MICU3: variants seen among roughly 807,000 people sequenced by gnomAD.
MICU3 encodes mitochondrial calcium uptake 3.
MICU3 carries 62 observed loss-of-function variants against 66.5 expected under a neutral mutation model. The ratio of observed to expected loss-of-function variants is 0.93; its 90% CI spans 0.76 to 1.15. MICU3 has a LOEUF of 1.15. Among genes scored for constraint, MICU3 ranks in the 50% most tolerant of loss-of-function variants. The pLI is 0.00. For synonymous variants in MICU3, 308 were observed against 240.7 expected (o/e 1.28, Z -2.59); for missense variants, 779 against 664.4 (o/e 1.17, Z -1.90).
At chr8:17,138,527 CTTTAA>C in the MICU3 span, among the ~76,000 whole-genome samples, 1 of 152,124 alleles carries the variant, frequency 6.6e-6, no homozygotes, top group Non-Finnish European at 1.5e-5. Context: ...TCCACTTTGT[CTTTAA>C]TTTACCCAAT....
intron 11 of MICU3, among the ~76,000 whole-genome samples, chr8:17,108,753 C>G (rs1780891377): frequency 6.6e-6 from 1 of 152,134 alleles, no homozygotes; most frequent in African/African-American, 2.4e-5. Flanking sequence ...ATTTAGAATT[C>G]ACGGAAATGT....
At chr8:17,100,792 C>T (rs1395409886) in intron 9 of MICU3, among the ~76,000 whole-genome samples, 1 of 151,622 alleles carries the variant, frequency 6.6e-6, no homozygotes, top group Non-Finnish European at 1.5e-5. Flanking sequence ...AGAGCTAAGA[C>T]TACTTTCTAA....
intron 1 of MICU3, among the ~76,000 whole-genome samples, chr8:17,036,064 T>A (rs1239949383): frequency 3.3e-5 from 5 of 152,198 alleles, no homozygotes; most frequent in Non-Finnish European, 7.3e-5. Flanking sequence ...GCGGTGAGTG[T>A]TACAGCTCTT....
rs368153367 is a variant in MICU3, at chr8:17,116,443, A to G, written c.1367A>G (p.Asp456Gly). 1 of 1,455,782 alleles carries G rather than the reference A, an allele frequency of 6.9e-7. No homozygotes were observed. The highest frequency in any genetic ancestry group is 2.6e-5 in the East Asian group (1 of 38,918). The allele number at this position is 1,455,782 out of a possible 1,614,324, so 90.2% of individuals were successfully genotyped here. ...YNFASRSIGQ[D>G]EFKRAVYVAT... ...CTTTTTCTATGTAACATTTATCTAG[A>G]TGAATTTAAACGTGCCGTCTATGTA... Residue 456 changes from aspartate to glycine, a missense_variant and splice_region_variant, in exon 13 of 15, where the codon GAT (aspartate) becomes GGT (glycine). Asp to Gly is a moderately conservative substitution (Grantham distance 94). Coordinates refer to ENST00000318063, the MANE Select transcript of MICU3 (RefSeq NM_181723.3).
At chr8:17,031,297 T>TATTATC (rs1812021262) in intron 1 of MICU3, among the ~76,000 whole-genome samples, 1 of 148,826 alleles carries the variant, frequency 6.7e-6, no homozygotes, top group East Asian at 2.0e-4. Context: ...TTATTATTAT[T>TATTATC]ATTATTTTGA....
the MICU3 span, among the ~76,000 whole-genome samples, chr8:17,129,526 C>G: frequency 6.6e-6 from 1 of 151,888 alleles, no homozygotes; most frequent in Admixed American, 6.6e-5. Flanking sequence ...ATTCTGTGAA[C>G]CTAATAGAAG....
chr8:17,049,679 A>C, intron 1 of MICU3: 1 of 512,818 alleles, frequency 2.0e-6, no homozygotes, highest in South Asian at 1.4e-5. Flanking sequence ...GTGTAATGTG[A>C]AAAAACACTG....
chr8:17,036,998 G>A (rs575585327), intron 1 of MICU3, among the ~76,000 whole-genome samples: 52 of 152,332 alleles, frequency 3.4e-4, no homozygotes, highest in African/African-American at 1.2e-3. Flanking sequence ...GAAATCGAGC[G>A]CAGCGCCCGT....
chr8:17,116,938 A>G (rs1802739845), intron 13 of MICU3, among the ~76,000 whole-genome samples: 1 of 152,188 alleles, frequency 6.6e-6, no homozygotes, highest in Non-Finnish European at 1.5e-5. Context: ...TACTATACAA[A>G]TAAATATCAC....
rs995340075 is a variant in MICU3 at position 17,120,868 on chromosome 8, A to C, written c.*581A>C. The C allele has an allele frequency of 2.8e-4, 42 of 152,384 alleles. No homozygotes were observed. The highest frequency in any genetic ancestry group is 9.7e-4 in the African/African-American group (40 of 41,426). The allele number at this position is 152,384 out of a possible 1,614,324, so 9.4% of individuals were successfully genotyped here. ...AAACAATTGTTTACGTGTACTTTTA[A>C]CTTTTAAAAGTACTTAATTAACATA... On this transcript the variant is annotated 3_prime_UTR_variant, in exon 15 of 15. Transcript: ENST00000318063.
chr8:17,060,328 G>A (rs996214304), intron 1 of MICU3, among the ~76,000 whole-genome samples: 24 of 150,236 alleles, frequency 1.6e-4, no homozygotes, highest in African/African-American at 4.9e-4. Flanking sequence ...ACAGAGTCTC[G>A]TGCTGTCGAT....
chr8:17,132,126 CA>C, the MICU3 span: 1 of 152,050 alleles, frequency 6.6e-6, no homozygotes, highest in Non-Finnish European at 1.5e-5. Flanking sequence ...GTCTGTTGCC[CA>C]AAGACTAATT....
At chr8:17,114,032 G>C (rs1391779279) in intron 11 of MICU3, 61 bp from the exon 12 acceptor site, 3 of 1,083,288 alleles carry the variant, frequency 2.8e-6, no homozygotes, top group African/African-American at 1.6e-5. Flanking sequence ...CTTATGTGTA[G>C]ATCCTGATTT....
At chr8:17,065,965 T>A (rs1818614727) in intron 2 of MICU3, among the ~76,000 whole-genome samples, 1 of 152,078 alleles carries the variant, frequency 6.6e-6, no homozygotes, top group Admixed American at 6.5e-5. Context: ...GTAAACTACA[T>A]AAGCAAAAAC....
chr8:17,042,866 G>A (rs1225682662), intron 1 of MICU3, among the ~76,000 whole-genome samples: 1 of 149,384 alleles, frequency 6.7e-6, no homozygotes, highest in Non-Finnish European at 1.5e-5. Flanking sequence ...TGAGATATTT[G>A]CATTGTCCCT....
intron 2 of MICU3, among the ~76,000 whole-genome samples, chr8:17,067,060 G>A (rs1490714364): frequency 1.3e-5 from 2 of 152,122 alleles, no homozygotes; most frequent in Non-Finnish European, 2.9e-5. Context: ...CACAACTTCA[G>A]TTAATTTCTA....
chr8:17,052,069 C>T (rs1029550740), intron 1 of MICU3, among the ~76,000 whole-genome samples: 2 of 152,130 alleles, frequency 1.3e-5, no homozygotes, highest in Non-Finnish European at 2.9e-5. Context: ...CTATGCTATA[C>T]TGCCTCTAGA....
chr8:17,076,854 G>A (rs987871984), intron 3 of MICU3, among the ~76,000 whole-genome samples: 1 of 152,196 alleles, frequency 6.6e-6, no homozygotes, highest in Admixed American at 6.5e-5. Flanking sequence ...GGAGCCACAT[G>A]CTCTGAGGAG....
intron 12 of MICU3, among the ~76,000 whole-genome samples, chr8:17,115,539 A>C (rs917772253): frequency 6.6e-5 from 10 of 152,170 alleles, no homozygotes; most frequent in African/African-American, 1.7e-4. Context: ...AGGCGCTAGA[A>C]ATACGTCCAT....
Sources: gnomAD v4.1 joint callset for allele counts (sites outside exome capture counted in the v4.1 genomes callset) on GRCh38, gnomAD v4.1.1 for gene constraint, MANE v1.5 for transcripts, NCBI Gene and HGNC (gene_info 2026-07-23, HGNC 2026-07-21) for gene names.